Variants in AFF3 observed in about 807,000 individuals in gnomAD.
AFF3 encodes ALF transcription elongation factor 3, also known as AF4/FMR2 family member 3.
A neutral mutation model predicts 129.7 loss-of-function variants in AFF3; 32 were observed. That is an observed-to-expected ratio of 0.25 (90% CI 0.19 to 0.33). AFF3 has a LOEUF of 0.33. Ranked by LOEUF, AFF3 falls within the 10% of genes least tolerant of loss-of-function variation. The pLI is 1.00. For missense variants in AFF3, 1,373 were observed against 1,592.0 expected, an observed-to-expected ratio of 0.86 and a Z score of 2.34; for synonymous variants, 644 against 635.4, an observed-to-expected ratio of 1.01 and a Z score of -0.20.
intron 22 of AFF3, among the ~76,000 whole-genome samples, chr2:99,556,424 G>A (rs1201088358): frequency 1.3e-5 from 2 of 152,054 alleles, no homozygotes; most frequent in African/African-American, 4.8e-5. Context: ...CCTGGGTGAC[G>A]GAGCGAGACT....
chr2:99,947,637 TAGATAGATAGATAGATAGAC>T (rs1330980480), intron 7 of AFF3, among the ~76,000 whole-genome samples: 3 of 143,538 alleles, frequency 2.1e-5, no homozygotes, highest in Non-Finnish European at 4.6e-5. Context: ...GATAGATAGA[TAGATAGATAGATAGATAGAC>T]AGACAGACAG....
chr2:99,608,389 CTTACCACG>C (rs1680583976), intron 13 of AFF3, among the ~76,000 whole-genome samples: 1 of 152,206 alleles, frequency 6.6e-6, no homozygotes, highest in African/African-American at 2.4e-5. Context: ...TATTGCAGCC[CTTACCACG>C]TTAAGGATTG....
At chr2:99,602,422 T>C (rs557869436) in intron 13 of AFF3, among the ~76,000 whole-genome samples, 1 of 152,320 alleles carries the variant, frequency 6.6e-6, no homozygotes, top group East Asian at 1.9e-4. Flanking sequence ...AGTCATTACA[T>C]ACTCAAAGAT....
rs369725222 is a variant in AFF3, at chr2:99,657,011, TG to T, written c.1144-7346del. Among the ~76,000 whole-genome samples, 615 of 152,220 alleles carry T rather than the reference TG, an allele frequency of 4.0e-3. 5 individuals carry two copies. Among genetic ancestry groups the T allele is most frequent in the African/African-American group, 0.014 (592 of 41,530 alleles). ...GAGTCAGAGACAAAACGAGAAAACC[TG>T]GCTGTTCTGGGCACATGGGGCTGTA... On this transcript the variant is annotated intron_variant, in intron 12 of 24. Transcript: ENST00000672756.
intron 7 of AFF3, among the ~76,000 whole-genome samples, chr2:99,954,943 A>G (rs59209373): frequency 6.6e-6 from 1 of 152,136 alleles, no homozygotes; most frequent in East Asian, 1.9e-4. Context: ...AAGAAAAAAA[A>G]AGAAAATATT....
chr2:99,869,344 G>A (rs1691682643), intron 7 of AFF3, among the ~76,000 whole-genome samples: 1 of 151,428 alleles, frequency 6.6e-6, no homozygotes, highest in Non-Finnish European at 1.5e-5. Flanking sequence ...TCTCAGCAAA[G>A]GCCTTCCATA....
chr2:99,662,203 T>C (rs1216923793), intron 12 of AFF3, among the ~76,000 whole-genome samples: 1 of 152,176 alleles, frequency 6.6e-6, no homozygotes, highest in Non-Finnish European at 1.5e-5. Context: ...AACCAACCCT[T>C]CTGCTGAACA....
chr2:100,084,070 T>C (rs1689240154), intron 4 of AFF3, among the ~76,000 whole-genome samples: 1 of 152,234 alleles, frequency 6.6e-6, no homozygotes, highest in South Asian at 2.1e-4. Flanking sequence ...CTCTCACTGA[T>C]TAAACTATTC....
At chr2:99,871,943 C>T (rs1691894361) in intron 7 of AFF3, among the ~76,000 whole-genome samples, 1 of 152,048 alleles carries the variant, frequency 6.6e-6, no homozygotes, top group Admixed American at 6.5e-5. Context: ...TGCGGTGGCT[C>T]ATGCCTGTAA....
At chr2:99,601,135 A>T (rs140838688) in intron 14 of AFF3, among the ~76,000 whole-genome samples, 1 of 152,330 alleles carries the variant, frequency 6.6e-6, no homozygotes, top group African/African-American at 2.4e-5. Flanking sequence ...CCTGAGCCAT[A>T]GGTTATTTCC....
chr2:100,017,403 T>C (rs1683224486), intron 4 of AFF3, among the ~76,000 whole-genome samples: 1 of 152,186 alleles, frequency 6.6e-6, no homozygotes, highest in Non-Finnish European at 1.5e-5. Context: ...TCAATCTTAA[T>C]TCAATCTTGA....
At chr2:99,788,241 T>TA (rs931382815) in intron 8 of AFF3, among the ~76,000 whole-genome samples, 10 of 152,046 alleles carry the variant, frequency 6.6e-5, no homozygotes, top group African/African-American at 2.2e-4. Context: ...TTCTACTCAT[T>TA]AAAAAAAAGT....
At chr2:99,946,377 G>A (rs1675565165) in intron 7 of AFF3, among the ~76,000 whole-genome samples, 1 of 150,674 alleles carries the variant, frequency 6.6e-6, no homozygotes. Context: ...GGGAGGCTGA[G>A]GCAGGAGAAT....
intron 7 of AFF3, among the ~76,000 whole-genome samples, chr2:99,987,741 C>T (rs758514369): frequency 1.5e-4 from 23 of 152,174 alleles, no homozygotes; most frequent in Non-Finnish European, 3.1e-4. Context: ...GCCTACTCTT[C>T]CAATGCCCAT....
chr2:99,634,308 C>T (rs1683413784), intron 13 of AFF3, among the ~76,000 whole-genome samples: 1 of 152,234 alleles, frequency 6.6e-6, no homozygotes, highest in South Asian at 2.1e-4. Flanking sequence ...AATGAAACCT[C>T]TGTGACTGTC....
At chr2:99,645,847 A>G (rs996598807) in intron 13 of AFF3, among the ~76,000 whole-genome samples, 2 of 152,202 alleles carry the variant, frequency 1.3e-5, no homozygotes, top group African/African-American at 4.8e-5. Flanking sequence ...ATTTGTGCTG[A>G]AATGCCAATT....
At chr2:99,568,078 G>A (rs1412009158) in intron 19 of AFF3, among the ~76,000 whole-genome samples, 1 of 152,156 alleles carries the variant, frequency 6.6e-6, no homozygotes, top group Non-Finnish European at 1.5e-5. Context: ...TGGTAGCATT[G>A]GAAGAGGGGT....
In AFF3 at chr2:100,016,688, G is replaced by A. The variant is rs867079974; in HGVS notation, c.54-7756C>T. On this transcript the variant is annotated intron_variant, in intron 4 of 24. Transcript: ENST00000672756. ...AAGTGGTGATGGTACTGGCAGTGAT[G>A]GTGGTGGTGGCGGTAGTGGCGGTGA... 6.6e-3 allele frequency among the ~76,000 whole-genome samples: 984 copies of A among 148,186 alleles called. 16 individuals are homozygous for A. The highest frequency in any genetic ancestry group is 0.023 in the African/African-American group (894 of 38,698).
At chr2:99,621,764 G>A (rs1269180912) in intron 13 of AFF3, among the ~76,000 whole-genome samples, 2 of 152,182 alleles carry the variant, frequency 1.3e-5, no homozygotes, top group Non-Finnish European at 2.9e-5. Context: ...TTTCCAGGCA[G>A]GAATTCTTGG....
Sources: gnomAD v4.1 joint callset for allele counts (sites outside exome capture counted in the v4.1 genomes callset) on GRCh38, gnomAD v4.1.1 for gene constraint, MANE v1.5 for transcripts, NCBI Gene and HGNC (gene_info 2026-07-23, HGNC 2026-07-21) for gene names.